Variants in PDE7A observed in about 807,000 individuals in gnomAD.
PDE7A encodes high affinity 3',5'-cyclic-AMP phosphodiesterase 7A.
PDE7A carries 39 observed loss-of-function variants against 64.3 expected under a neutral mutation model. The ratio of observed to expected loss-of-function variants is 0.61; its 90% CI spans 0.47 to 0.79. The LOEUF (loss-of-function observed/expected upper bound fraction) is 0.79, where lower values mean the gene tolerates loss of function less well. PDE7A is among the 30% of genes least tolerant of loss of function. PDE7A has a pLI of 0.00. For missense variants in PDE7A, 470 were observed against 582.8 expected (o/e 0.81, Z 1.99); for synonymous variants, 203 against 206.8 (o/e 0.98, Z 0.16).
intron 1 of PDE7A, 59 bp from the exon 2 acceptor site, chr8:65,782,902 TCAA>T (rs1258264402): frequency 6.3e-6 from 6 of 952,526 alleles, no homozygotes; most frequent in African/African-American, 1.6e-5. Flanking sequence ...AAAATTCAAC[TCAA>T]CAAACATGTA....
intron 7 of PDE7A, among the ~76,000 whole-genome samples, chr8:65,729,039 T>G (rs2128894253): frequency 6.6e-6 from 1 of 152,242 alleles, no homozygotes; most frequent in East Asian, 1.9e-4. Flanking sequence ...AAATTTTCAA[T>G]ATTATAACAA....
intron 1 of PDE7A, among the ~76,000 whole-genome samples, chr8:65,805,034 G>T (rs758441019): frequency 6.6e-6 from 1 of 151,698 alleles, no homozygotes; most frequent in Non-Finnish European, 1.5e-5. Flanking sequence ...GGTAGAGATG[G>T]ACTCTCCCTA....
At chr8:65,748,837 G>A (rs541300185) in intron 3 of PDE7A, among the ~76,000 whole-genome samples, 7 of 152,298 alleles carry the variant, frequency 4.6e-5, no homozygotes, top group Admixed American at 1.3e-4. Flanking sequence ...GACACAGCAG[G>A]TGTTAAATAG....
At position 65,717,078 on chromosome 8, in the gene PDE7A, T is replaced by TA. The variant is rs1806171249; in HGVS notation, c.*2211dup. On this transcript the variant is annotated 3_prime_UTR_variant, in exon 13 of 13. Coordinates refer to ENST00000401827, the MANE Select transcript of PDE7A (RefSeq NM_001242318.3). Reference sequence around the variant, plus strand: ...TTTTTATATTGACATTTTAAAGTGATACAATATTTTGGACGTATTGGAATA... The same window carrying TA: ...TTTTTATATTGACATTTTAAAGTGATAACAATATTTTGGACGTATTGGAATA... Among the ~76,000 whole-genome samples, 2 of 152,262 alleles carry TA rather than the reference T, an allele frequency of 1.3e-5. No homozygotes were observed. Among genetic ancestry groups the TA allele is most frequent in the Non-Finnish European group, 2.9e-5 (2 of 68,028 alleles).
At chr8:65,831,693 C>G (rs1810825268) in intron 1 of PDE7A, among the ~76,000 whole-genome samples, 1 of 151,918 alleles carries the variant, frequency 6.6e-6, no homozygotes, top group South Asian at 2.1e-4. Context: ...TGGAAGAAAT[C>G]AGTCAAACCC....
intron 11 of PDE7A, 137 bp downstream of exon 11, chr8:65,724,118 A>G (rs1806508307): frequency 1.2e-5 from 7 of 575,372 alleles, no homozygotes; most frequent in South Asian, 6.5e-5. Context: ...GATTAGATGT[A>G]TATCTATTGT....
At chr8:65,750,078 T>A (rs1254598740) in intron 3 of PDE7A, among the ~76,000 whole-genome samples, 1 of 152,196 alleles carries the variant, frequency 6.6e-6, no homozygotes, top group African/African-American at 2.4e-5. Flanking sequence ...AGCACCACCA[T>A]CTCTGTATTT....
chr8:65,822,935 TTAACTTTATC>T lies in PDE7A; in HGVS notation c.138+18426_138+18435del, dbSNP rs144048416. Reference sequence around the variant, plus strand: ...TTTAAAGCACTTATTATCTTATCTATTAACTTTATCTATCTATCTATCTATCTATATACAC... The same window carrying T: ...TTTAAAGCACTTATTATCTTATCTATTATCTATCTATCTATCTATATACAC... On this transcript the variant is annotated intron_variant, in intron 1 of 12. Transcript: ENST00000401827. Among the ~76,000 whole-genome samples, 1,287 of 149,598 alleles carry T rather than the reference TTAACTTTATC, an allele frequency of 8.6e-3. 15 individuals are homozygous for T. The highest frequency in any genetic ancestry group is 0.031 in the African/African-American group (1,227 of 39,704).
intron 1 of PDE7A, among the ~76,000 whole-genome samples, chr8:65,834,016 C>G (rs1223499116): frequency 6.6e-6 from 1 of 152,120 alleles, no homozygotes; most frequent in Non-Finnish European, 1.5e-5. Flanking sequence ...ATAGGAGTTA[C>G]TCCAAAAACA....
intron 1 of PDE7A, among the ~76,000 whole-genome samples, chr8:65,807,096 A>C (rs187081303): frequency 6.6e-6 from 1 of 152,342 alleles, no homozygotes; most frequent in East Asian, 1.9e-4. Context: ...TCTGAAAGGG[A>C]CTATACTGAA....
intron 3 of PDE7A, among the ~76,000 whole-genome samples, chr8:65,759,351 T>G (rs1404934417): frequency 1.3e-5 from 2 of 152,180 alleles, no homozygotes; most frequent in African/African-American, 4.8e-5. Flanking sequence ...GGCCAAATCT[T>G]GTGAAAACAT....
chr8:65,837,521 C>G (rs568664835), intron 1 of PDE7A, among the ~76,000 whole-genome samples: 1 of 152,252 alleles, frequency 6.6e-6, no homozygotes, highest in East Asian at 1.9e-4. Flanking sequence ...ATAAACATAG[C>G]CTGAACATAA....
intron 1 of PDE7A, among the ~76,000 whole-genome samples, chr8:65,802,273 C>A (rs929423319): frequency 1.3e-5 from 2 of 152,178 alleles, no homozygotes; most frequent in Admixed American, 6.5e-5. Context: ...CTGCACAACA[C>A]TGTGAATGTA....
At chr8:65,742,077 G>C (rs1046225049) in intron 5 of PDE7A, among the ~76,000 whole-genome samples, 3 of 152,148 alleles carry the variant, frequency 2.0e-5, no homozygotes, top group Non-Finnish European at 2.9e-5. Context: ...TTCAAAACAA[G>C]AGATGCTCAG....
At chr8:65,725,861 A>G (rs745398608) in intron 9 of PDE7A, among the ~76,000 whole-genome samples, 48 of 152,304 alleles carry the variant, frequency 3.2e-4, no homozygotes, top group Non-Finnish European at 5.6e-4. Flanking sequence ...ATCTGTCTTA[A>G]TTTTAAGAAC....
chr8:65,734,024 C>T (rs559026960), intron 7 of PDE7A, among the ~76,000 whole-genome samples: 2 of 152,290 alleles, frequency 1.3e-5, no homozygotes, highest in East Asian at 1.9e-4. Context: ...CAAATCCATA[C>T]ATTAAGTCTG....
intron 3 of PDE7A, among the ~76,000 whole-genome samples, chr8:65,760,181 A>G (rs1225773560): frequency 6.6e-6 from 1 of 152,222 alleles, no homozygotes; most frequent in East Asian, 1.9e-4. Context: ...TAGAGGTTGC[A>G]GTGAGCTAAG....
At chr8:65,727,085 A>C (rs1806642521) in intron 8 of PDE7A, 85 bp downstream of exon 8, 1 of 1,038,828 alleles carries the variant, frequency 9.6e-7, no homozygotes, top group Non-Finnish European at 1.5e-6. Flanking sequence ...TTGAGAATTT[A>C]TTTTCATTAC....
chr8:65,751,741 C>T (rs545835799), intron 3 of PDE7A, among the ~76,000 whole-genome samples: 8 of 152,320 alleles, frequency 5.3e-5, no homozygotes, highest in East Asian at 1.9e-4. Context: ...ATCTGCCTGC[C>T]GCGGCCTCCC....
Sources: gnomAD v4.1 joint callset for allele counts (sites outside exome capture counted in the v4.1 genomes callset) on GRCh38, gnomAD v4.1.1 for gene constraint, MANE v1.5 for transcripts, NCBI Gene and HGNC (gene_info 2026-07-23, HGNC 2026-07-21) for gene names.